SLC27A2: variants seen among roughly 807,000 people sequenced by gnomAD.
SLC27A2 encodes the protein solute carrier family 27 member 2.
SLC27A2 carries 54 observed loss-of-function variants against 60.0 expected under a neutral mutation model. The ratio of observed to expected loss-of-function variants is 0.90; its 90% CI spans 0.72 to 1.13. The LOEUF (loss-of-function observed/expected upper bound fraction) is 1.13. Ranked by LOEUF, SLC27A2 falls within the 50% of genes most tolerant of loss-of-function variation. SLC27A2 has a pLI of 0.00. For missense variants in SLC27A2, 739 were observed against 777.6 expected, an observed-to-expected ratio of 0.95 and a Z score of 0.59; for synonymous variants, 297 against 297.6, an observed-to-expected ratio of 1.00 and a Z score of 0.02.
At chr15:50,213,813 T>C (rs2045175002) in intron 4 of SLC27A2, among the ~76,000 whole-genome samples, 1 of 151,938 alleles carries the variant, frequency 6.6e-6, no homozygotes, top group Non-Finnish European at 1.5e-5. Flanking sequence ...ACAAAGGCGG[T>C]GCTAAGAGGA....
At chr15:50,212,732 C>T (rs1327583042) in intron 4 of SLC27A2, among the ~76,000 whole-genome samples, 1 of 151,808 alleles carries the variant, frequency 6.6e-6, no homozygotes, top group African/African-American at 2.4e-5. Flanking sequence ...TTCAGACAAA[C>T]AAATGCTGAG....
intron 5 of SLC27A2, among the ~76,000 whole-genome samples, chr15:50,225,536 T>A (rs1017025523): frequency 2.0e-5 from 3 of 152,204 alleles, no homozygotes; most frequent in African/African-American, 7.2e-5. Context: ...GACACAAGAA[T>A]GTTCATAACA....
At chr15:50,189,696 G>A (rs1175624189) in intron 1 of SLC27A2, among the ~76,000 whole-genome samples, 2 of 152,206 alleles carry the variant, frequency 1.3e-5, no homozygotes, top group African/African-American at 4.8e-5. Flanking sequence ...GAATCTGAAA[G>A]AGAAGGATAG....
intron 4 of SLC27A2, among the ~76,000 whole-genome samples, chr15:50,212,635 C>T (rs1020615329): frequency 3.3e-5 from 5 of 152,176 alleles, no homozygotes; most frequent in African/African-American, 1.2e-4. Flanking sequence ...GCCCTATCTT[C>T]AACCACCTCA....
At chr15:50,197,799 G>T (rs1372150002) in intron 2 of SLC27A2, 90 bp downstream of exon 2, 1 of 874,556 alleles carries the variant, frequency 1.1e-6, no homozygotes, top group African/African-American at 1.7e-5. Flanking sequence ...TTGGCAAAAC[G>T]TATTGGGTAA....
intron 4 of SLC27A2, among the ~76,000 whole-genome samples, chr15:50,205,594 A>G (rs1351404987): frequency 2.0e-5 from 3 of 152,042 alleles, no homozygotes; most frequent in Admixed American, 6.5e-5. Context: ...ACTTGTTTTC[A>G]CATCTTACTC....
At chr15:50,182,993 AG>A in intron 1 of SLC27A2, 88 bp downstream of exon 1, 1 of 1,318,800 alleles carries the variant, frequency 7.6e-7, no homozygotes, top group Non-Finnish European at 1.0e-6. Context: ...GGGTTCGCAG[AG>A]GGAGGTTCAG....
In SLC27A2 at chr15:50,223,001, C is replaced by A; in HGVS notation, c.1009C>A (p.Leu337Met). Residue 337 changes from leucine (L) to methionine (M), a missense_variant, in exon 5 of 10, where the codon CTG (leucine) becomes ATG (methionine). Leu to Met is a conservative substitution (Grantham distance 15). Transcript: ENST00000267842. ...NDRDHKVRLA[L>M]GNGLRGDVWR... is the part of the protein sequence containing the mutation. The stretch of plus-strand genomic sequence containing the variant: ...CCGTGATCATAAAGTGAGACTGGCA[C>A]TGGGAAATGGCTTACGAGGAGATGT... 4 of 1,613,030 alleles carry A rather than the reference C, an allele frequency of 2.5e-6. No homozygotes were observed. Among genetic ancestry groups the A allele is most frequent in the Non-Finnish European group, 2.5e-6 (3 of 1,179,562 alleles).
intron 1 of SLC27A2, among the ~76,000 whole-genome samples, chr15:50,185,792 G>A (rs1354095534): frequency 6.6e-6 from 1 of 151,870 alleles, no homozygotes; most frequent in Non-Finnish European, 1.5e-5. Context: ...ACCACGCCCG[G>A]ATAATTTTTT....
intron 1 of SLC27A2, among the ~76,000 whole-genome samples, chr15:50,184,055 A>G (rs1208164140): frequency 1.6e-5 from 2 of 125,102 alleles, no homozygotes; most frequent in African/African-American, 6.1e-5. Flanking sequence ...CAGTGGCGCT[A>G]TTTCAGTTCA....
At chr15:50,216,728 G>T (rs930498491) in intron 4 of SLC27A2, among the ~76,000 whole-genome samples, 4 of 139,014 alleles carry the variant, frequency 2.9e-5, no homozygotes, top group African/African-American at 1.1e-4. Flanking sequence ...TTGGCTATGC[G>T]GGCTCTTTTT....
rs1368381181 is a variant in SLC27A2 at position 50,182,831 on chromosome 15, A to G, written c.404A>G (p.Asn135Ser). The G allele has an allele frequency of 2.5e-6, 4 of 1,613,454 alleles. No homozygotes were observed. Among genetic ancestry groups the G allele is most frequent in the African/African-American group, 1.3e-5 (1 of 75,036 alleles). Reference protein sequence around the residue: ...VKLGCAMACLNYNIRAKSLLH... With the variant: ...VKLGCAMACLSYNIRAKSLLH... The stretch of plus-strand genomic sequence containing the variant: ...CTGGGCTGTGCCATGGCGTGCCTCA[A>G]TTACAACATCCGCGCGAAGTCCCTG... Residue 135 changes from asparagine (N) to serine (S), a missense_variant, in exon 1 of 10, where the codon AAT (asparagine) becomes AGT (serine). By Grantham distance (46) the Asn-to-Ser change is conservative. Coordinates refer to ENST00000267842, the MANE Select transcript of SLC27A2 (RefSeq NM_003645.4).
intron 1 of SLC27A2, among the ~76,000 whole-genome samples, chr15:50,184,789 A>G (rs2044906577): frequency 1.3e-5 from 2 of 152,202 alleles, no homozygotes; most frequent in Non-Finnish European, 2.9e-5. Context: ...GTGAGCCGAG[A>G]TCATGCCACT....
chr15:50,204,963 C>T (rs1001818569), intron 3 of SLC27A2, among the ~76,000 whole-genome samples: 1 of 149,330 alleles, frequency 6.7e-6, no homozygotes, highest in Non-Finnish European at 1.5e-5. Context: ...TCCCTCTCCC[C>T]TCCCTCCCTC....
chr15:50,226,986 T>G lies in SLC27A2; in HGVS notation c.1265T>G (p.Val422Gly), dbSNP rs767872365. 1 of 1,613,462 alleles carries G rather than the reference T, an allele frequency of 6.2e-7. No homozygotes were observed. Among genetic ancestry groups the G allele is most frequent in the East Asian group, 2.2e-5 (1 of 44,874 alleles). Residue 422 changes from valine to glycine, a missense_variant, in exon 7 of 10, where the codon GTT becomes GGT. Val to Gly is a moderately radical substitution (Grantham distance 109, BLOSUM62 -3). Coordinates refer to ENST00000267842, the MANE Select transcript of SLC27A2 (RefSeq NM_003645.4). ...GYCVRVPKGE[V>G]GLLVCKITQL... ...TTACTTTCTTCTGTCTTAGGTGAAG[T>G]TGGACTTCTGGTTTGCAAAATCACA...
At chr15:50,191,164 T>A (rs775263468) in intron 1 of SLC27A2, 1 of 152,260 alleles carries the variant, frequency 6.6e-6, no homozygotes, top group Non-Finnish European at 1.5e-5. Context: ...AGAGTTGTTA[T>A]GAAAATTATG....
At chr15:50,183,794 T>C (rs574124189) in intron 1 of SLC27A2, among the ~76,000 whole-genome samples, 1 of 152,036 alleles carries the variant, frequency 6.6e-6, no homozygotes, top group African/African-American at 2.4e-5. Context: ...GGTGACAGGG[T>C]AGGGGTCGAG....
chr15:50,192,037 A>T (rs1529346), intron 1 of SLC27A2, among the ~76,000 whole-genome samples: 2 of 150,168 alleles, frequency 1.3e-5, no homozygotes, highest in African/African-American at 4.9e-5. Context: ...TCCAGCCTGG[A>T]TGACAGAGTG....
At chr15:50,189,783 A>G (rs767468013) in intron 1 of SLC27A2, among the ~76,000 whole-genome samples, 3 of 152,202 alleles carry the variant, frequency 2.0e-5, no homozygotes, top group Non-Finnish European at 4.4e-5. Context: ...AGGGAAGTAG[A>G]TCATTGGTAG....
Sources: gnomAD v4.1 joint callset for allele counts (sites outside exome capture counted in the v4.1 genomes callset) on GRCh38, gnomAD v4.1.1 for gene constraint, MANE v1.5 for transcripts, NCBI Gene and HGNC (gene_info 2026-07-23, HGNC 2026-07-21) for gene names.